Variants in CEP68 observed in about 807,000 individuals in gnomAD.
CEP68 encodes centrosomal protein of 68 kDa.
A neutral mutation model predicts 55.3 loss-of-function variants in CEP68; 26 were observed. The ratio of observed to expected loss-of-function variants is 0.47; its 90% CI spans 0.34 to 0.65. The LOEUF is 0.65. CEP68 is among the 30% of genes least tolerant of loss of function. The probability of loss-of-function intolerance (pLI) is 0.01; values close to 1 mark genes in which losing one functional copy is unlikely to be tolerated. For synonymous variants in CEP68, 402 were observed against 383.2 expected (o/e 1.05, Z -0.57); for missense variants, 957 against 946.7 (o/e 1.01, Z -0.14).
intron 2 of CEP68, 164 bp from the exon 3 acceptor site, chr2:65,071,290 G>T (rs1573032616): frequency 1.6e-6 from 1 of 612,978 alleles, no homozygotes; most frequent in East Asian, 2.7e-5. Context: ...TGCTGCTGCT[G>T]GCAGTGCATA....
chr2:65,074,521 T>C, intron 4 of CEP68, 117 bp downstream of exon 4: 1 of 1,424,968 alleles, frequency 7.0e-7, no homozygotes, highest in Non-Finnish European at 9.9e-7. Flanking sequence ...AGTTGACTAT[T>C]ATACCTGAAA....
rs919239461 is a variant in CEP68, at chr2:65,086,124, T to C, written c.*2490T>C. The C allele has an allele frequency of 1.3e-5, 2 of 152,086 alleles. No homozygotes were observed. The highest frequency in any genetic ancestry group is 2.9e-5 in the Non-Finnish European group (2 of 68,036). 9.4% of individuals were successfully genotyped at this position (152,086 alleles called of 1,614,324 possible). ...GGTGGGAATGGAACACAAAGAAGGT[T>C]TGAGGTAAGATATGCTGGAAAGGCA... On this transcript the variant is annotated 3_prime_UTR_variant, in exon 7 of 7. Coordinates refer to ENST00000377990, the MANE Select transcript of CEP68 (RefSeq NM_015147.3).
chr2:65,071,744 T>C lies in CEP68; in HGVS notation c.648T>C (p.Pro216=), dbSNP rs753085851. ...SLQGHQERAE[P]RGGSLAKVSS... ...AGGGTCACCAGGAGAGGGCGGAGCC[T>C]CGTGGTGGTTCTCTGGCCAAGGTCT... The change falls in exon 3 of 7, where the codon CCT becomes CCC. Residue 216 remains proline (P), a synonymous_variant. Transcript: ENST00000377990. The C allele has an allele frequency of 1.2e-6, 2 of 1,613,760 alleles. No homozygotes were observed. Among genetic ancestry groups the C allele is most frequent in the Non-Finnish European group, 1.7e-6 (2 of 1,179,810 alleles).
intron 1 of CEP68, among the ~76,000 whole-genome samples, chr2:65,057,663 G>T (rs889617449): frequency 2.0e-5 from 3 of 152,208 alleles, no homozygotes; most frequent in Non-Finnish European, 4.4e-5. Flanking sequence ...ATGGAAGGAA[G>T]CCAAAAGGAA....
At chr2:65,070,665 G>C (rs1428605261) in intron 2 of CEP68, 2 of 152,100 alleles carry the variant, frequency 1.3e-5, no homozygotes, top group African/African-American at 4.8e-5. Context: ...ATTCGGTGAG[G>C]CAGGAAGCGA....
chr2:65,077,831 G>A (rs779777161), intron 4 of CEP68, 37 bp from the exon 5 acceptor site: 8 of 1,496,684 alleles, frequency 5.3e-6, no homozygotes, highest in Admixed American at 1.7e-5. Flanking sequence ...CAATAGTAAC[G>A]AAGCTTCTGC....
rs1370346306 is a variant in CEP68, at chr2:65,085,529, C to G, written c.*1895C>G. The G allele has an allele frequency of 6.6e-6, 1 of 152,314 alleles. No homozygotes were observed. The highest frequency in any genetic ancestry group is 1.5e-5 in the Non-Finnish European group (1 of 68,142). The allele number at this position is 152,314 out of a possible 1,614,324, so 9.4% of individuals were successfully genotyped here. A position where few individuals can be genotyped will look rare whatever the true frequency, so the allele number is the denominator to read the frequency against. On this transcript the variant is annotated 3_prime_UTR_variant, in exon 7 of 7. Transcript: ENST00000377990. ...CTTACCTTAAAACTCAAGCTGAAGG[C>G]TGGGCACGGTGGCTCATGCCTGTAA... is the stretch of plus-strand genomic sequence containing the variant.
rs1358903853 is a variant in CEP68, at chr2:65,084,290, C to A, written c.*656C>A. On this transcript the variant is annotated 3_prime_UTR_variant, in exon 7 of 7. Coordinates refer to ENST00000377990, the MANE Select transcript of CEP68 (RefSeq NM_015147.3). The stretch of plus-strand genomic sequence containing the variant: ...TTCTTAGAAGAAAATGTGTCAGGGA[C>A]TTGGGGATCTACAGTCATGCTTTAG... The A allele has an allele frequency of 6.6e-6, 1 of 152,138 alleles. No individual in the cohort carries two copies. The highest frequency in any genetic ancestry group is 1.5e-5 in the Non-Finnish European group (1 of 68,018). The allele number at this position is 152,138 out of a possible 1,614,324, so 9.4% of individuals were successfully genotyped here.
At chr2:65,064,412 A>G (rs2241160) in intron 1 of CEP68, among the ~76,000 whole-genome samples, 74,628 of 151,894 alleles carry the variant, frequency 0.49, 19,308 homozygotes, top group African/African-American at 0.66. Context: ...AGGTGTGGGG[A>G]ATCTCTAGCC....
intron 5 of CEP68, 78 bp downstream of exon 5, chr2:65,078,042 G>T (rs966032724): frequency 3.5e-5 from 37 of 1,058,648 alleles, no homozygotes; most frequent in African/African-American, 4.8e-5. Flanking sequence ...ACTATCCCTG[G>T]TAAGGAGCTG....
At position 65,072,192 on chromosome 2, in the gene CEP68, C is replaced by A. The variant is rs759886403; in HGVS notation, c.1096C>A (p.Pro366Thr). The change falls in exon 3 of 7, where the codon CCA (proline) becomes ACA (threonine). Residue 366 changes from proline to threonine, a missense_variant. Pro to Thr is a conservative substitution (Grantham distance 38, BLOSUM62 -1). Coordinates refer to ENST00000377990, the MANE Select transcript of CEP68 (RefSeq NM_015147.3). ...NCPPAEATAL[P>T]FSGPREPSLK... The stretch of plus-strand genomic sequence containing the variant: ...CCCACCAGCAGAGGCCACTGCCCTG[C>A]CATTTTCTGGGCCCAGAGAGCCAAG... 15 of 1,613,990 alleles carry A rather than the reference C, an allele frequency of 9.3e-6. No homozygotes were observed.
At chr2:65,067,983 T>C (rs1676276420) in intron 1 of CEP68, among the ~76,000 whole-genome samples, 1 of 152,152 alleles carries the variant, frequency 6.6e-6, no homozygotes, top group Non-Finnish European at 1.5e-5. Flanking sequence ...TTTCCCAGCG[T>C]GTGAGCTGAG....
chr2:65,074,418 C>T lies in CEP68; in HGVS notation c.2007+14C>T, dbSNP rs762895922. ...CAGCTTTACCGGGTAATATGCGGTC[C>T]TGGCTCTGGCTTGTTCCCTCACAAG... On this transcript the variant is annotated intron_variant, in intron 4 of 6. Transcript: ENST00000377990. 3.7e-6 allele frequency: 6 copies of T among 1,614,018 alleles called. No homozygotes were observed. Among genetic ancestry groups the T allele is most frequent in the Non-Finnish European group, 5.1e-6 (6 of 1,179,934 alleles).
Position 65,074,772 on chromosome 2 carries a change from C to CG in CEP68, c.2007+368_2007+369insG, listed in dbSNP as rs140636777. The CG allele has an allele frequency of 0.021, 5,188 of 242,928 alleles. 341 individuals carry two copies. In the East Asian group the frequency reaches 0.23, roughly 11 times the overall value. 15.0% of individuals were successfully genotyped at this position (242,928 alleles called of 1,614,324 possible). A position where few individuals can be genotyped will look rare whatever the true frequency, so the allele number is the denominator to read the frequency against. On this transcript the variant is annotated intron_variant, in intron 4 of 6. Coordinates refer to ENST00000377990, the MANE Select transcript of CEP68 (RefSeq NM_015147.3). The stretch of plus-strand genomic sequence containing the variant: ...CTGAGCAACATAGCAAGACCCCCCC[C>CG]CCTCAAAAAAAAGTTTTTTCTTAAT...
At chr2:65,063,481 C>A (rs972422494) in intron 1 of CEP68, among the ~76,000 whole-genome samples, 1 of 152,230 alleles carries the variant, frequency 6.6e-6, no homozygotes, top group Non-Finnish European at 1.5e-5. Context: ...ACGGGAGGCC[C>A]CACATTAGGA....
chr2:65,066,315 G>A (rs148098740), intron 1 of CEP68, among the ~76,000 whole-genome samples: 3 of 152,314 alleles, frequency 2.0e-5, no homozygotes, highest in Non-Finnish European at 4.4e-5. Context: ...ACATTGGACC[G>A]GCTGGGCGGT....
In CEP68 at chr2:65,071,682, T is replaced by C. The variant is rs1440107956; in HGVS notation, c.586T>C (p.Cys196Arg). 1 of 1,614,214 alleles carries C rather than the reference T, an allele frequency of 6.2e-7. No individual in the cohort carries two copies. The highest frequency in any genetic ancestry group is 8.5e-7 in the Non-Finnish European group (1 of 1,180,044). The part of the protein sequence containing the change: ...SPGSAAQPSS[C>R]SISASSTGSS... ...AGGTTCCGCAGCTCAGCCTTCCAGC[T>C]GCAGCATCTCTGCTTCCTCCACAGG... The change falls in exon 3 of 7, where the codon TGC (cysteine) becomes CGC (arginine). Residue 196 changes from cysteine to arginine, a missense_variant. Coordinates refer to ENST00000377990, the MANE Select transcript of CEP68 (RefSeq NM_015147.3).
At position 65,084,469 on chromosome 2, in the gene CEP68, AG is replaced by A. The variant is rs952332434; in HGVS notation, c.*837del. On this transcript the variant is annotated 3_prime_UTR_variant, in exon 7 of 7. Transcript: ENST00000377990. ...CAGAAACTGAAGCTGTCAATAGTGA[AG>A]GAAAAAGGGGAATTCTTCGTTGCTT... 3 of 152,098 alleles carry A rather than the reference AG, an allele frequency of 2.0e-5. No homozygotes were observed. Among genetic ancestry groups the A allele is most frequent in the African/African-American group, 7.2e-5 (3 of 41,408 alleles). The allele number at this position is 152,098 out of a possible 1,614,324, so 9.4% of individuals were successfully genotyped here. A position where few individuals can be genotyped will look rare whatever the true frequency, so the allele number is the denominator to read the frequency against.
intron 6 of CEP68, 33 bp downstream of exon 6, chr2:65,082,742 C>A (rs2241140): frequency 6.6e-7 from 1 of 1,505,180 alleles, no homozygotes; most frequent in Non-Finnish European, 8.9e-7. Flanking sequence ...AAAATTTGCC[C>A]ACCAACCCTG....
Sources: gnomAD v4.1 joint callset for allele counts (sites outside exome capture counted in the v4.1 genomes callset) on GRCh38, gnomAD v4.1.1 for gene constraint, MANE v1.5 for transcripts, NCBI Gene and HGNC (gene_info 2026-07-23, HGNC 2026-07-21) for gene names.